LRRC1: variants seen among roughly 807,000 people sequenced by gnomAD.
LRRC1 encodes leucine rich repeat containing 1, also known as leucine-rich repeat-containing protein 1.
A neutral mutation model predicts 69.9 loss-of-function variants in LRRC1; 28 were observed. The ratio of observed to expected loss-of-function variants is 0.40; its 90% CI spans 0.30 to 0.55. LRRC1 has a LOEUF of 0.55. Ranked by LOEUF, LRRC1 falls within the 20% of genes least tolerant of loss-of-function variation. LRRC1 has a pLI of 0.47. For synonymous variants in LRRC1, 236 were observed against 240.2 expected (o/e 0.98, Z 0.16); for missense variants, 498 against 609.0 (o/e 0.82, Z 1.92).
At chr6:53,855,635 A>G (rs1244496329) in intron 2 of LRRC1, among the ~76,000 whole-genome samples, 5 of 152,208 alleles carry the variant, frequency 3.3e-5, no homozygotes, top group Admixed American at 2.0e-4. Flanking sequence ...TTACCTGGGT[A>G]GGAACTGATG....
At chr6:53,849,828 G>C in intron 2 of LRRC1, among the ~76,000 whole-genome samples, 1 of 152,160 alleles carries the variant, frequency 6.6e-6, no homozygotes, top group Admixed American at 6.5e-5. Context: ...ATAGTGGTGT[G>C]TGACTGTTGT....
rs781505951 is a variant in LRRC1, at chr6:53,896,845, C to A, written c.520C>A (p.Arg174=). The change falls in exon 6 of 14, where the codon CGA becomes AGA. Residue 174 remains arginine (R), a synonymous_variant. Transcript: ENST00000370888. ...TTAAAATAGCTCTCTTACCCAGCTG[C>A]GAAGACTAGAAGAACTTGATTTAGG... The part of the protein sequence containing the change: ...TYLPDSLTQL[R]RLEELDLGNN... The A allele has an allele frequency of 1.2e-6, 2 of 1,601,254 alleles. No individual in the cohort carries two copies. The highest frequency in any genetic ancestry group is 1.3e-5 in the African/African-American group (1 of 74,526).
chr6:53,843,211 T>A (rs951326193), intron 2 of LRRC1, among the ~76,000 whole-genome samples: 1 of 152,230 alleles, frequency 6.6e-6, no homozygotes, highest in Non-Finnish European at 1.5e-5. Flanking sequence ...CATACCTGAT[T>A]TATTTTGTGT....
At chr6:53,916,672 A>T (rs1768574556) in intron 11 of LRRC1, among the ~76,000 whole-genome samples, 1 of 152,188 alleles carries the variant, frequency 6.6e-6, no homozygotes, top group Non-Finnish European at 1.5e-5. Context: ...ATTTATATAT[A>T]TTTTTAAATA....
chr6:53,829,095 G>A (rs1765351991), intron 1 of LRRC1, among the ~76,000 whole-genome samples: 1 of 152,176 alleles, frequency 6.6e-6, no homozygotes, highest in South Asian at 2.1e-4. Flanking sequence ...AAACTGTTGG[G>A]GAGTTGGGAT....
intron 3 of LRRC1, among the ~76,000 whole-genome samples, chr6:53,882,509 A>T (rs1451744216): frequency 6.6e-6 from 1 of 152,208 alleles, no homozygotes; most frequent in African/African-American, 2.4e-5. Flanking sequence ...GTTTCTGCTA[A>T]TCAATAAAGT....
intron 8 of LRRC1, 101 bp downstream of exon 8, chr6:53,899,992 G>T: frequency 1.1e-6 from 1 of 876,972 alleles, no homozygotes; most frequent in Non-Finnish European, 1.7e-6. Context: ...CAGATGCTGA[G>T]GATGTGGCTC....
intron 10 of LRRC1, among the ~76,000 whole-genome samples, chr6:53,912,919 T>C (rs1354174889): frequency 2.0e-5 from 3 of 152,188 alleles, no homozygotes; most frequent in Admixed American, 2.0e-4. Flanking sequence ...AAGAAGAATG[T>C]AGTACTTTAT....
intron 2 of LRRC1, among the ~76,000 whole-genome samples, chr6:53,865,659 G>T (rs1766678765): frequency 6.6e-6 from 1 of 151,892 alleles, no homozygotes. Flanking sequence ...GATTGCTTAT[G>T]CAGTTACATG....
intron 4 of LRRC1, 85 bp downstream of exon 4, chr6:53,883,061 C>T: frequency 2.6e-6 from 2 of 778,614 alleles, no homozygotes; most frequent in South Asian, 3.4e-5. Context: ...TTTAAAGCTC[C>T]TATTTGTCTA....
intron 3 of LRRC1, among the ~76,000 whole-genome samples, chr6:53,881,082 T>G (rs964784309): frequency 1.3e-5 from 2 of 152,236 alleles, no homozygotes; most frequent in Non-Finnish European, 2.9e-5. Flanking sequence ...GTTTGTTTGT[T>G]TTAATTCTGG....
At chr6:53,841,286 T>C (rs2127415990) in intron 1 of LRRC1, among the ~76,000 whole-genome samples, 2 of 152,320 alleles carry the variant, frequency 1.3e-5, no homozygotes, top group South Asian at 4.1e-4. Flanking sequence ...TTATATAAAT[T>C]TTCAATCAGT....
At position 53,862,689 on chromosome 6, in the gene LRRC1, C is replaced by T. The variant is rs59678556; in HGVS notation, c.278-16304C>T. On this transcript the variant is annotated intron_variant, in intron 2 of 13. Transcript: ENST00000370888. ...TTCTGTACCATCAGGAGACCCATGC[C>T]GCTCAGCCTGTGTATGCTCTGGAAA... 3.9e-5 allele frequency among the ~76,000 whole-genome samples: 6 copies of T among 152,234 alleles called. No individual in the cohort carries two copies. In the East Asian group the frequency reaches 7.7e-4, roughly 20 times the overall value.
At chr6:53,824,376 T>C (rs983368301) in intron 1 of LRRC1, among the ~76,000 whole-genome samples, 3 of 152,208 alleles carry the variant, frequency 2.0e-5, no homozygotes, top group Non-Finnish European at 4.4e-5. Flanking sequence ...TCCTTGTAGA[T>C]GCTGCATATT....
At chr6:53,819,055 T>C (rs1168068017) in intron 1 of LRRC1, among the ~76,000 whole-genome samples, 1 of 152,048 alleles carries the variant, frequency 6.6e-6, no homozygotes, top group South Asian at 2.1e-4. Flanking sequence ...CATTGACCCA[T>C]GTGGGGGATG....
intron 10 of LRRC1, among the ~76,000 whole-genome samples, chr6:53,910,215 C>T (rs1243784001): frequency 6.6e-6 from 1 of 152,080 alleles, no homozygotes; most frequent in Non-Finnish European, 1.5e-5. Flanking sequence ...CCAAGTCCAA[C>T]CCCTTGTATT....
chr6:53,822,840 A>G (rs1017399402), intron 1 of LRRC1, among the ~76,000 whole-genome samples: 5 of 152,176 alleles, frequency 3.3e-5, no homozygotes, highest in Non-Finnish European at 7.4e-5. Flanking sequence ...TTTAACCCCA[A>G]TGTATATTCT....
In LRRC1 at chr6:53,878,890, G is replaced by A. The variant is rs1298261950; in HGVS notation, c.278-103G>A. On this transcript the variant is annotated intron_variant, in intron 2 of 13. Transcript: ENST00000370888. ...AAGTCTAGGTCATGTTTGAATGGAG[G>A]TAGGAATTTCCAGATATTCTCTTGT... 3 of 655,240 alleles carry A rather than the reference G, an allele frequency of 4.6e-6. No homozygotes were observed. In the East Asian group the frequency reaches 8.3e-5, roughly 18 times the overall value. The allele number at this position is 655,240 out of a possible 1,614,324, so 40.6% of individuals were successfully genotyped here.
At chr6:53,875,574 T>A (rs1187376261) in intron 2 of LRRC1, among the ~76,000 whole-genome samples, 1 of 152,146 alleles carries the variant, frequency 6.6e-6, no homozygotes, top group African/African-American at 2.4e-5. Context: ...TTACAAATAT[T>A]TATGTTTGTA....
Sources: allele counts gnomAD v4.1 joint callset (sites outside exome capture counted in the v4.1 genomes callset), GRCh38; gene constraint gnomAD v4.1.1; transcripts MANE v1.5; gene names NCBI Gene and HGNC (gene_info 2026-07-23, HGNC 2026-07-21).